The following ATXN7L1 variants were observed in gnomAD, a reference collection of about 807,000 sequenced individuals.
ATXN7L1 encodes ataxin 7 like 1, also known as ataxin-7-like protein 1.
Under a neutral mutation model 70.8 loss-of-function variants are expected in ATXN7L1, and 15 were observed. The ratio of observed to expected loss-of-function variants is 0.21; its 90% confidence interval spans 0.14 to 0.33. The LOEUF (loss-of-function observed/expected upper bound fraction) is 0.33, where lower values mean the gene tolerates loss of function less well. ATXN7L1 is among the 10% of genes least tolerant of loss of function. ATXN7L1 has a pLI of 1.00. For missense variants in ATXN7L1, 975 were observed against 1,097.1 expected (o/e 0.89, Z 1.57); for synonymous variants, 440 against 445.1 (o/e 0.99, Z 0.14).
At chr7:105,619,026 C>T (rs183435747) in intron 9 of ATXN7L1, among the ~76,000 whole-genome samples, 2 of 152,064 alleles carry the variant, frequency 1.3e-5, no homozygotes, top group Non-Finnish European at 2.9e-5. Flanking sequence ...ACAAACTTAA[C>T]CAACTTCACA....
intron 3 of ATXN7L1, among the ~76,000 whole-genome samples, chr7:105,675,630 AAG>A (rs1804525311): frequency 6.6e-6 from 1 of 152,168 alleles, no homozygotes; most frequent in African/African-American, 2.4e-5. Flanking sequence ...TCTCAAAAAA[AAG>A]AAAAAAAAAA....
At chr7:105,785,658 A>G (rs910302909) in intron 3 of ATXN7L1, among the ~76,000 whole-genome samples, 1 of 152,192 alleles carries the variant, frequency 6.6e-6, no homozygotes, top group African/African-American at 2.4e-5. Context: ...CTATGTTGAA[A>G]TCCTACCCGC....
chr7:105,614,903 C>T lies in ATXN7L1; in HGVS notation c.1518-87G>A, dbSNP rs774579968. The T allele has an allele frequency of 3.7e-5, 53 of 1,430,048 alleles. No individual in the cohort carries two copies. Among genetic ancestry groups the T allele is most frequent in the African/African-American group, 5.7e-5 (4 of 69,748 alleles). 88.6% of individuals were successfully genotyped at this position (1,430,048 alleles called of 1,614,324 possible). ...GCTCGATGACGTTTGAGGATCAGGGCTACAGAGGACACCCCGGCAGAACCA... is the reference window on the plus strand; with the variant it reads ...GCTCGATGACGTTTGAGGATCAGGGTTACAGAGGACACCCCGGCAGAACCA... On this transcript the variant is annotated intron_variant, in intron 9 of 11. Transcript: ENST00000419735. This position sits in a 1 kb window ranked among gnomAD's most constrained non-coding sequence, Gnocchi z 4.3.
intron 3 of ATXN7L1, among the ~76,000 whole-genome samples, chr7:105,683,024 C>G (rs758423032): frequency 1.3e-5 from 2 of 152,166 alleles, no homozygotes; most frequent in Non-Finnish European, 2.9e-5. Context: ...TTCAAGATAA[C>G]TGAGTTACCT....
intron 3 of ATXN7L1, among the ~76,000 whole-genome samples, chr7:105,787,641 T>C (rs1804502542): frequency 6.6e-6 from 1 of 152,010 alleles, no homozygotes; most frequent in Non-Finnish European, 1.5e-5. Flanking sequence ...ACTGAAGAGG[T>C]GGGGAAAAGT....
chr7:105,814,833 T>C (rs1311968479), intron 2 of ATXN7L1, among the ~76,000 whole-genome samples: 1 of 152,214 alleles, frequency 6.6e-6, no homozygotes, highest in African/African-American at 2.4e-5. Context: ...TACAAATAAA[T>C]TCTTTAAATA....
chr7:105,649,772 G>A (rs188600323), intron 4 of ATXN7L1, among the ~76,000 whole-genome samples: 2 of 152,342 alleles, frequency 1.3e-5, no homozygotes, highest in East Asian at 1.9e-4. Context: ...ACCAGAGCAC[G>A]GTAAAGATGA....
At chr7:105,748,494 T>C (rs1044801990) in intron 3 of ATXN7L1, among the ~76,000 whole-genome samples, 1 of 152,216 alleles carries the variant, frequency 6.6e-6, no homozygotes, top group African/African-American at 2.4e-5. Flanking sequence ...GGATGTTACC[T>C]GTTGGACCAC....
chr7:105,627,828 G>A (rs941100132), intron 7 of ATXN7L1, among the ~76,000 whole-genome samples: 75 of 146,396 alleles, frequency 5.1e-4, no homozygotes, highest in African/African-American at 1.9e-3. Flanking sequence ...CACCACGCCC[G>A]GTCCTGTCTT....
chr7:105,622,610 A>T (rs182797487), intron 8 of ATXN7L1, among the ~76,000 whole-genome samples: 149 of 152,326 alleles, frequency 9.8e-4, no homozygotes, highest in Non-Finnish European at 9.4e-4. Context: ...GCAGTAATCA[A>T]GTGGGTCTCC....
intron 3 of ATXN7L1, among the ~76,000 whole-genome samples, chr7:105,727,879 T>C (rs753780164): frequency 4.2e-4 from 62 of 148,476 alleles, no homozygotes; most frequent in Non-Finnish European, 7.0e-4. Context: ...GCAAGAAAAA[T>C]GTTTGGACAG....
chr7:105,845,204 CAAAAAAAAAAAAAAA>C (rs3057532), intron 2 of ATXN7L1, among the ~76,000 whole-genome samples: 1 of 62,990 alleles, frequency 1.6e-5, no homozygotes, highest in Non-Finnish European at 2.8e-5. Flanking sequence ...AACTCTGTCT[CAAAAAAAAAAAAAAA>C]AAAAAAAAAA....
Position 105,638,433 on chromosome 7 carries a change from T to G in ATXN7L1, c.1122A>C (p.Leu374=). The G allele has an allele frequency of 1.3e-6, 2 of 1,552,344 alleles. No homozygotes were observed. Among genetic ancestry groups the G allele is most frequent in the Non-Finnish European group, 1.7e-6 (2 of 1,147,142 alleles). ...SQSGPAQDSL[L]GSSGSSGPEP... The stretch of plus-strand genomic sequence containing the variant: ...CTGGCCCAGAGCTCCCTGAAGACCC[T>G]AGCAGAGAATCCTGTGCCGGCCCGG... Residue 374 remains leucine (L), a synonymous_variant, in exon 7 of 12, where the codon CTA becomes CTC. Transcript: ENST00000419735.
At chr7:105,778,517 A>AC (rs1803065659) in intron 3 of ATXN7L1, among the ~76,000 whole-genome samples, 2 of 128,416 alleles carry the variant, frequency 1.6e-5, no homozygotes, top group African/African-American at 6.9e-5. Context: ...TCTCAAAAAA[A>AC]AAAAAAAAAA....
chr7:105,840,847 C>T (rs1380417132), intron 2 of ATXN7L1, among the ~76,000 whole-genome samples: 2 of 152,226 alleles, frequency 1.3e-5, no homozygotes, highest in African/African-American at 4.8e-5. Flanking sequence ...CAGTATTCAT[C>T]TGGTTTACCT....
At chr7:105,859,690 T>C (rs759691060) in intron 2 of ATXN7L1, among the ~76,000 whole-genome samples, 51 of 152,180 alleles carry the variant, frequency 3.4e-4, no homozygotes, top group Non-Finnish European at 5.9e-4. Flanking sequence ...CATAGCCTAT[T>C]GCACACCTAC....
intron 3 of ATXN7L1, among the ~76,000 whole-genome samples, chr7:105,775,453 C>A (rs891700817): frequency 6.6e-6 from 1 of 152,166 alleles, no homozygotes; most frequent in Non-Finnish European, 1.5e-5. Context: ...GCATGTGACA[C>A]TCCAGGAAGG....
chr7:105,779,574 G>T (rs1205910260), intron 3 of ATXN7L1, among the ~76,000 whole-genome samples: 1 of 152,060 alleles, frequency 6.6e-6, no homozygotes, highest in Non-Finnish European at 1.5e-5. Flanking sequence ...ATTTTCCTAG[G>T]GTCCATCATA....
chr7:105,797,251 G>A (rs1806132199), intron 2 of ATXN7L1, among the ~76,000 whole-genome samples: 2 of 152,246 alleles, frequency 1.3e-5, no homozygotes, highest in African/African-American at 4.8e-5. Flanking sequence ...CCAGAGCCGG[G>A]CCTGGTAGCA....
Sources: gnomAD v4.1 joint callset for allele counts (sites outside exome capture counted in the v4.1 genomes callset) on GRCh38, gnomAD v4.1.1 for gene constraint, Gnocchi (gnomAD v3.1) non-coding constraint, MANE v1.5 for transcripts, NCBI Gene and HGNC (gene_info 2026-07-23, HGNC 2026-07-21) for gene names.